Variants in RYR2 observed in about 807,000 individuals in gnomAD.
RYR2 encodes cardiac muscle ryanodine receptor-calcium release channel.
A neutral mutation model predicts 601.1 loss-of-function variants in RYR2; 227 were observed. The observed-to-expected ratio is 0.38, with a 90% CI of 0.34 to 0.42. The LOEUF (loss-of-function observed/expected upper bound fraction) is 0.42. Ranked by LOEUF, RYR2 falls within the 10% of genes least tolerant of loss-of-function variation. The pLI is 1.00. For missense variants in RYR2, 4,646 were observed against 6,156.5 expected, an observed-to-expected ratio of 0.75 and a Z score of 8.21; for synonymous variants, 2,223 against 2,175.1, an observed-to-expected ratio of 1.02 and a Z score of -0.61.
At chr1:237,429,748 A>G (rs1375009625) in intron 12 of RYR2, among the ~76,000 whole-genome samples, 2 of 152,142 alleles carry the variant, frequency 1.3e-5, no homozygotes, top group South Asian at 2.1e-4. Context: ...TCTTACTTAT[A>G]TAGCCTTTCA....
chr1:237,704,420 AGTAAT>A (rs895144174), intron 66 of RYR2, among the ~76,000 whole-genome samples: 9 of 152,280 alleles, frequency 5.9e-5, no homozygotes, highest in Non-Finnish European at 1.0e-4. Flanking sequence ...CATCATGTAA[AGTAAT>A]GTATTTACTA....
intron 2 of RYR2, among the ~76,000 whole-genome samples, chr1:237,309,205 T>C (rs1314903115): frequency 7.3e-6 from 1 of 136,164 alleles, no homozygotes; most frequent in East Asian, 2.2e-4. Context: ...AGACACAGGG[T>C]GCTGATTGGT....
At chr1:237,474,753 G>A (rs10754607) in intron 17 of RYR2, among the ~76,000 whole-genome samples, 75,797 of 151,922 alleles carry the variant, frequency 0.5, 20,022 homozygotes, top group East Asian at 0.7. Context: ...CAAAGATGCA[G>A]TAACTGGTAG....
In RYR2 at chr1:237,651,415, C is replaced by T; in HGVS notation, c.7738C>T (p.Leu2580=). 1.3e-6 allele frequency: 2 copies of T among 1,591,104 alleles called. No homozygotes were observed. The highest frequency in any genetic ancestry group is 1.7e-5 in the Admixed American group (1 of 57,256). ...ACATTAGCTTTGTTCCAACAGACAACTGAGACCTTCTATGATGCAGCACTT... is the reference window on the plus strand; with the variant it reads ...ACATTAGCTTTGTTCCAACAGACAATTGAGACCTTCTATGATGCAGCACTT... The part of the protein sequence containing the change: ...EVCLLSICGQ[L]RPSMMQHLLR... Residue 2580 remains leucine (L), a synonymous_variant, in exon 51 of 105, where the codon CTG becomes TTG. Transcript: ENST00000366574.
Position 237,833,949 on chromosome 1 carries a change from T to C in RYR2, c.*1302T>C, listed in dbSNP as rs1320107295. ...TTATTACAAGTCTGCTTGTTAATTT[T>C]AGAACTGTAAAACCGCTCTGATTAA... On this transcript the variant is annotated 3_prime_UTR_variant, in exon 105 of 105. Coordinates refer to ENST00000366574, the MANE Select transcript of RYR2 (RefSeq NM_001035.3). 1 of 152,404 alleles carries C rather than the reference T, an allele frequency of 6.6e-6. No individual in the cohort carries two copies. The highest frequency in any genetic ancestry group is 1.5e-5 in the Non-Finnish European group (1 of 68,044). The allele number at this position is 152,404 out of a possible 1,614,324, so 9.4% of individuals were successfully genotyped here.
intron 24 of RYR2, among the ~76,000 whole-genome samples, chr1:237,517,210 A>G (rs1352836028): frequency 6.6e-6 from 1 of 151,800 alleles, no homozygotes; most frequent in Non-Finnish European, 1.5e-5. Flanking sequence ...AAAATTCTTC[A>G]TTTCACCCTT....
At chr1:237,539,338 G>A (rs977314405) in intron 25 of RYR2, among the ~76,000 whole-genome samples, 2 of 152,122 alleles carry the variant, frequency 1.3e-5, no homozygotes, top group Non-Finnish European at 2.9e-5. Flanking sequence ...TTAGAAATAT[G>A]GTCGATTCCT....
chr1:237,742,275 T>C (rs944704584), intron 79 of RYR2, 21 bp from the exon 80 acceptor site: 21 of 1,505,622 alleles, frequency 1.4e-5, no homozygotes, highest in Admixed American at 2.2e-5. Context: ...GTCTCCTTTT[T>C]TTTTTTTTTT....
intron 1 of RYR2, among the ~76,000 whole-genome samples, chr1:237,070,140 C>A (rs77203812): frequency 6.6e-6 from 1 of 151,700 alleles, no homozygotes; most frequent in African/African-American, 2.4e-5. Context: ...AAGTGATCCT[C>A]CCACCTAGGC....
intron 12 of RYR2, among the ~76,000 whole-genome samples, chr1:237,436,718 T>C (rs114856178): frequency 6.6e-6 from 1 of 151,778 alleles, no homozygotes; most frequent in African/African-American, 2.4e-5. Context: ...AACTCCATCA[T>C]CTGAGGATCT....
In RYR2 at chr1:237,614,422, C is replaced by G. The variant is rs564806219; in HGVS notation, c.5294C>G (p.Ser1765Cys). 182 of 1,614,016 alleles carry G rather than the reference C, an allele frequency of 1.1e-4. No homozygotes were observed. In the Middle Eastern group the frequency reaches 3.1e-3, roughly 28 times the overall value. The part of the protein sequence containing the change: ...TSLRPRMQFS[S>C]PSFVSISNEC... ...CTCAGGCCACGGATGCAGTTTTCCT[C>G]CCCCAGTTTTGTAAGCATTAGTAAT... The change falls in exon 37 of 105, where the codon TCC becomes TGC. Residue 1765 changes from serine to cysteine, a missense_variant. By Grantham distance (112) the Ser-to-Cys change is moderately radical. Around this residue, in one of 17 missense-constraint regions of RYR2, gnomAD observed 1,807 missense variants for 2,088.1 expected, o/e 0.87. Transcript: ENST00000366574. This position sits in a 1 kb window ranked among gnomAD's most constrained non-coding sequence, Gnocchi z 4.3.
At chr1:237,688,511 T>C (rs1686644832) in intron 63 of RYR2, among the ~76,000 whole-genome samples, 1 of 152,158 alleles carries the variant, frequency 6.6e-6, no homozygotes, top group African/African-American at 2.4e-5. Context: ...GTTATTGCTA[T>C]ATTTGGTTTC....
intron 1 of RYR2, among the ~76,000 whole-genome samples, chr1:237,239,757 C>T (rs1572322646): frequency 1.3e-5 from 2 of 152,286 alleles, no homozygotes; most frequent in East Asian, 3.9e-4. Context: ...TTTTTAGCTC[C>T]TGTATCACTT....
At chr1:237,344,545 C>T (rs1011186040) in intron 3 of RYR2, among the ~76,000 whole-genome samples, 2 of 152,152 alleles carry the variant, frequency 1.3e-5, no homozygotes, top group Non-Finnish European at 2.9e-5. Context: ...TACCACCCCT[C>T]GCTTCTCTGC....
At chr1:237,397,943 A>C (rs1240363648) in intron 10 of RYR2, among the ~76,000 whole-genome samples, 1 of 151,714 alleles carries the variant, frequency 6.6e-6, no homozygotes, top group East Asian at 1.9e-4. Flanking sequence ...GGATGGCCTC[A>C]ATCTCCTGAC....
intron 16 of RYR2, among the ~76,000 whole-genome samples, chr1:237,458,750 A>C (rs1289215173): frequency 1.4e-5 from 2 of 145,116 alleles, no homozygotes; most frequent in African/African-American, 5.0e-5. Flanking sequence ...TAAAAAAAAA[A>C]AGAAAAAAGA....
chr1:237,374,951 G>GTATATCAT (rs1471876214), intron 7 of RYR2, among the ~76,000 whole-genome samples, 156 bp downstream of exon 7: 2 of 152,166 alleles, frequency 1.3e-5, no homozygotes, highest in African/African-American at 4.8e-5. Context: ...AGGGGAAAGT[G>GTATATCAT]TATATCATTC....
Position 237,406,270 on chromosome 1 carries a change from C to T in RYR2, c.774-10779C>T, listed in dbSNP as rs1007950990. ...ATACGTAGTTTCCCCATACTACTAC[C>T]TAGGCTAGTTTTTGGTGTTCGTGTC... On this transcript the variant is annotated intron_variant, in intron 10 of 104. Transcript: ENST00000366574. Among the ~76,000 whole-genome samples, 10 of 144,784 alleles carry T rather than the reference C, an allele frequency of 6.9e-5. No homozygotes were observed. The South Asian group carries it at 2.1e-3, about 31-fold the overall frequency. The allele number at this position is 144,784 out of a possible 152,430, so 95.0% of individuals were successfully genotyped here.
At chr1:237,581,081 C>G (rs1211499090) in intron 29 of RYR2, among the ~76,000 whole-genome samples, 1 of 152,216 alleles carries the variant, frequency 6.6e-6, no homozygotes, top group Non-Finnish European at 1.5e-5. Flanking sequence ...CTTACGGGAA[C>G]AGCCTTATAT....
Sources: gnomAD v4.1 joint callset for allele counts (sites outside exome capture counted in the v4.1 genomes callset) on GRCh38, gnomAD v4.1.1 for gene constraint, gnomAD v4.1.1 regional missense constraint, Gnocchi (gnomAD v3.1) non-coding constraint, MANE v1.5 for transcripts, NCBI Gene and HGNC (gene_info 2026-07-23, HGNC 2026-07-21) for gene names.